CCNC: variants seen among roughly 807,000 people sequenced by gnomAD.
CCNC encodes cyclin-C.
Under a neutral mutation model 50.0 loss-of-function variants are expected in CCNC, and 19 were observed. That is an observed-to-expected ratio of 0.38 (90% confidence interval 0.27 to 0.56). The LOEUF (loss-of-function observed/expected upper bound fraction) is 0.56, where lower values mean the gene tolerates loss of function less well. Ranked by LOEUF, CCNC falls within the 20% of genes least tolerant of loss-of-function variation. The pLI, the probability that CCNC is intolerant of heterozygous loss-of-function variation, is 0.72. For missense variants in CCNC, 200 were observed against 327.1 expected, an observed-to-expected ratio of 0.61 and a Z score of 3.00; for synonymous variants, 93 against 103.7, an observed-to-expected ratio of 0.90 and a Z score of 0.63.
chr6:99,543,729 T>C, intron 11 of CCNC, 120 bp from the exon 12 acceptor site: 3 of 1,495,240 alleles, frequency 2.0e-6, no homozygotes, highest in Non-Finnish European at 2.7e-6. Flanking sequence ...AACAAAGACA[T>C]TCCTCATTAT....
chr6:99,544,509 G>C (rs1801995250), intron 11 of CCNC, among the ~76,000 whole-genome samples: 1 of 151,946 alleles, frequency 6.6e-6, no homozygotes, highest in South Asian at 2.1e-4. Context: ...TGAGGGCTGA[G>C]AACCACTGAA....
intron 11 of CCNC, chr6:99,544,344 C>T: frequency 7.0e-7 from 1 of 1,424,274 alleles, no homozygotes; most frequent in Non-Finnish European, 9.5e-7. Flanking sequence ...AAAGTATTAA[C>T]TTTTTCCAAA....
At position 99,561,591 on chromosome 6, in the gene CCNC, TC is replaced by T; in HGVS notation, c.224+5del. 2 of 1,586,092 alleles carry T rather than the reference TC, an allele frequency of 1.3e-6. No individual in the cohort carries two copies. The highest frequency in any genetic ancestry group is 1.7e-6 in the Non-Finnish European group (2 of 1,157,854). Reference sequence around the variant, plus strand: ...GTTCAAATAAATAAAATAAAAACAATCCTACCTGGCATAGAATCTCTTGAAA... The same window carrying T: ...GTTCAAATAAATAAAATAAAAACAATCTACCTGGCATAGAATCTCTTGAAA... On this transcript the variant is annotated splice_donor_5th_base_variant and intron_variant, in intron 3 of 11. Transcript: ENST00000520429.
At chr6:99,561,751 C>A in intron 2 of CCNC, 70 bp from the exon 3 acceptor site, 1 of 935,994 alleles carries the variant, frequency 1.1e-6, no homozygotes. Context: ...TGAACAGTAA[C>A]TTCCATGTGG....
rs761208932 is a variant in CCNC, at chr6:99,543,540, A to G, written c.*15T>C. The G allele has an allele frequency of 6.2e-7, 1 of 1,613,068 alleles. No homozygotes were observed. The highest frequency in any genetic ancestry group is 1.1e-5 in the South Asian group (1 of 91,018). On this transcript the variant is annotated 3_prime_UTR_variant, in exon 12 of 12. Transcript: ENST00000520429. ...TTATTTCCAAGTGGTCCACTATGGA[A>G]TTCTTCGGAATGTTTTAAGATTGGC...
intron 6 of CCNC, among the ~76,000 whole-genome samples, chr6:99,551,574 A>C (rs1802302483): frequency 1.3e-5 from 2 of 152,150 alleles, no homozygotes; most frequent in African/African-American, 4.8e-5. Context: ...GAAAATTCTG[A>C]TTTTGTTGTT....
At chr6:99,556,814 G>A (rs931971269) in intron 5 of CCNC, among the ~76,000 whole-genome samples, 5 of 152,174 alleles carry the variant, frequency 3.3e-5, no homozygotes, top group Non-Finnish European at 7.4e-5. Flanking sequence ...CCAGCTACCA[G>A]GGAGGATGAG....
chr6:99,566,008 G>T (rs939791741), intron 1 of CCNC, among the ~76,000 whole-genome samples: 8 of 151,950 alleles, frequency 5.3e-5, no homozygotes, highest in Admixed American at 5.2e-4. Flanking sequence ...CTTGAAAGAT[G>T]GAAAGTATTT....
intron 1 of CCNC, among the ~76,000 whole-genome samples, chr6:99,567,426 T>TACAC (rs890054149): frequency 2.6e-5 from 3 of 114,406 alleles, no homozygotes; most frequent in African/African-American, 9.7e-5. Context: ...CACACATATA[T>TACAC]ATACACACAC....
In CCNC at chr6:99,542,650, A is replaced by C. The variant is rs565980392; in HGVS notation, c.*905T>G. On this transcript the variant is annotated 3_prime_UTR_variant, in exon 12 of 12. Transcript: ENST00000520429. ...TTAGAATTAAGGACAGCCAGTATCA[A>C]ACTGGCCTGAAACCTGATTGTGTTC... The C allele has an allele frequency of 1.3e-5, 2 of 152,730 alleles. No homozygotes were observed. The highest frequency in any genetic ancestry group is 3.9e-4 in the East Asian group (2 of 5,188). 9.5% of individuals were successfully genotyped at this position (152,730 alleles called of 1,614,324 possible).
chr6:99,564,166 T>C (rs1254355644), intron 1 of CCNC, among the ~76,000 whole-genome samples: 1 of 152,164 alleles, frequency 6.6e-6, no homozygotes, highest in Non-Finnish European at 1.5e-5. Context: ...GGCTCATGCC[T>C]GTAATTTTAG....
chr6:99,568,696 A>C (rs1583596542), upstream of CCNC: 2 of 1,461,812 alleles, frequency 1.4e-6, no homozygotes, highest in Non-Finnish European at 1.8e-6. Context: ...AGTCTCCTTC[A>C]CGCCGGCCGA....
chr6:99,548,045 C>T (rs895270610), intron 9 of CCNC, among the ~76,000 whole-genome samples: 1 of 152,034 alleles, frequency 6.6e-6, no homozygotes, highest in Non-Finnish European at 1.5e-5. Context: ...TATTTTGGGG[C>T]AAAGTGATAA....
At chr6:99,558,234 G>T in intron 5 of CCNC, 1 of 428,966 alleles carries the variant, frequency 2.3e-6, no homozygotes, top group Non-Finnish European at 4.0e-6. Context: ...ACTCTTACAA[G>T]ATTAAAAGCC....
At position 99,558,485 on chromosome 6, in the gene CCNC, T is replaced by A; in HGVS notation, c.346+12A>T. The stretch of plus-strand genomic sequence containing the variant: ...ATTACATCCTTAAAGCAGATATACT[T>A]TTTGCACTTACATACAGAAGTAGCA... On this transcript the variant is annotated intron_variant, in intron 5 of 11. Coordinates refer to ENST00000520429, the MANE Select transcript of CCNC (RefSeq NM_005190.4). The A allele has an allele frequency of 6.2e-7, 1 of 1,611,744 alleles. No homozygotes were observed. The highest frequency in any genetic ancestry group is 1.1e-5 in the South Asian group (1 of 90,636).
chr6:99,568,578 G>A lies in CCNC; in HGVS notation c.-51C>T, dbSNP rs766596533. 1 of 1,597,274 alleles carries A rather than the reference G, an allele frequency of 6.3e-7. No individual in the cohort carries two copies. The highest frequency in any genetic ancestry group is 8.5e-7 in the Non-Finnish European group (1 of 1,172,564). ...AGCACCAGCCGGCGGAGCGGCCCGC[G>A]GAGCGACCATAGACCCAGCCCGTCC... On this transcript the variant is annotated 5_prime_UTR_variant, in exon 1 of 12. Transcript: ENST00000520429.
rs535209145 is a variant in CCNC at position 99,552,003 on chromosome 6, T to C, written c.347-108A>G. The C allele has an allele frequency of 1.6e-5, 11 of 678,990 alleles. No homozygotes were observed. The South Asian group carries it at 3.4e-4, about 21-fold the overall frequency. The allele number at this position is 678,990 out of a possible 1,614,324, so 42.1% of individuals were successfully genotyped here. On this transcript the variant is annotated intron_variant, in intron 5 of 11. Transcript: ENST00000520429. ...GAGGGTAGAGCAAAATTATTTTCAG[T>C]AGGAATTCTTGGCAACACTTACGGA...
chr6:99,543,399 T>A lies in CCNC; in HGVS notation c.*156A>T. On this transcript the variant is annotated 3_prime_UTR_variant, in exon 12 of 12. Transcript: ENST00000520429. ...TAATCAATTATGTACTAGAATCATA[T>A]TAAAGAAAAACTTATTTTGCAAAAA... 1 of 719,864 alleles carries A rather than the reference T, an allele frequency of 1.4e-6. No individual in the cohort carries two copies. The allele number at this position is 719,864 out of a possible 1,614,324, so 44.6% of individuals were successfully genotyped here.
At position 99,568,449 on chromosome 6, in the gene CCNC, G is replaced by A. The variant is rs557011377; in HGVS notation, c.32+47C>T. ...GGGAGTCACAGGCCCCGTCCTCACA[G>A]CTCCCCCAAAAACCGGCCCCAGGTG... is the stretch of plus-strand genomic sequence containing the variant. On this transcript the variant is annotated intron_variant, in intron 1 of 11. Transcript: ENST00000520429. 17 of 1,580,902 alleles carry A rather than the reference G, an allele frequency of 1.1e-5. No homozygotes were observed. The South Asian group carries it at 1.7e-4, about 16-fold the overall frequency.
Sources: gnomAD v4.1 joint callset for allele counts (sites outside exome capture counted in the v4.1 genomes callset) on GRCh38, gnomAD v4.1.1 for gene constraint, MANE v1.5 for transcripts, NCBI Gene and HGNC (gene_info 2026-07-23, HGNC 2026-07-21) for gene names.